BNC2: variants seen among roughly 807,000 people sequenced by gnomAD.
The protein encoded by BNC2 is basonuclin zinc finger protein 2.
In BNC2, 20 loss-of-function variants were observed where a neutral mutation model predicts 76.3. The ratio of observed to expected loss-of-function variants is 0.26; its 90% CI spans 0.18 to 0.38. The LOEUF (loss-of-function observed/expected upper bound fraction) is 0.38, where lower values mean the gene tolerates loss of function less well. BNC2 is among the 10% of genes least tolerant of loss of function. The probability of loss-of-function intolerance (pLI) is 1.00; values close to 1 mark genes in which losing one functional copy is unlikely to be tolerated. For synonymous variants in BNC2, 582 were observed against 514.8 expected, an observed-to-expected ratio of 1.13 and a Z score of -1.77; for missense variants, 1,382 against 1,399.8, an observed-to-expected ratio of 0.99 and a Z score of 0.20.
chr9:16,535,370 C>T (rs1454697367), intron 5 of BNC2, among the ~76,000 whole-genome samples: 1 of 152,168 alleles, frequency 6.6e-6, no homozygotes, highest in Non-Finnish European at 1.5e-5. Context: ...TAGGAAGTTG[C>T]ATGAATGTCC....
At position 16,699,247 on chromosome 9, in the gene BNC2, A is replaced by G. The variant is rs917647507; in HGVS notation, c.330+28550T>C. The G allele has an allele frequency of 5.7e-5, 27 of 469,664 alleles. 1 individual carries two copies. In the East Asian group the frequency reaches 8.3e-4, roughly 15 times the overall value. The allele number at this position is 469,664 out of a possible 1,614,324, so 29.1% of individuals were successfully genotyped here. On this transcript the variant is annotated intron_variant, in intron 3 of 6. Transcript: ENST00000380672. The stretch of plus-strand genomic sequence containing the variant: ...GTGGCAACCTAAATAATGCAACAAA[A>G]AAGTCCCTTATAGAAGCATGCATGG...
At chr9:16,636,400 T>G (rs1821327536) in intron 3 of BNC2, among the ~76,000 whole-genome samples, 1 of 152,052 alleles carries the variant, frequency 6.6e-6, no homozygotes, top group Non-Finnish European at 1.5e-5. Context: ...ACTCCTGGAC[T>G]CAAGCGATCC....
intron 1 of BNC2, among the ~76,000 whole-genome samples, chr9:16,836,380 C>T (rs1818706737): frequency 6.6e-6 from 1 of 152,050 alleles, no homozygotes; most frequent in Non-Finnish European, 1.5e-5. Flanking sequence ...AGTAGACCAT[C>T]AGAAACATAT....
intron 1 of BNC2, among the ~76,000 whole-genome samples, chr9:16,821,957 G>C (rs898055835): frequency 2.0e-5 from 3 of 152,008 alleles, no homozygotes; most frequent in African/African-American, 7.2e-5. Context: ...GCCAGGTGCG[G>C]TGGCGGGCGC....
chr9:16,634,112 C>T (rs1454107812), intron 3 of BNC2, among the ~76,000 whole-genome samples: 1 of 152,146 alleles, frequency 6.6e-6, no homozygotes, highest in Admixed American at 6.5e-5. Flanking sequence ...TCTACTCATC[C>T]CGTGTTCTGA....
At chr9:16,473,470 A>G (rs1288806351) in intron 5 of BNC2, 3 of 152,228 alleles carry the variant, frequency 2.0e-5, no homozygotes, top group Non-Finnish European at 2.9e-5. Context: ...ATATAAAAAT[A>G]AAAGTGTTGA....
At chr9:16,781,572 A>T (rs956511336) in intron 1 of BNC2, among the ~76,000 whole-genome samples, 1 of 152,216 alleles carries the variant, frequency 6.6e-6, no homozygotes, top group African/African-American at 2.4e-5. Flanking sequence ...CGAACTCCTA[A>T]GCTCAGGCAA....
intron 5 of BNC2, among the ~76,000 whole-genome samples, chr9:16,532,713 T>C (rs748703874): frequency 5.9e-5 from 9 of 152,250 alleles, no homozygotes; most frequent in Non-Finnish European, 1.3e-4. Flanking sequence ...CTATTATCTA[T>C]GTTCTTATAA....
intron 3 of BNC2, among the ~76,000 whole-genome samples, chr9:16,631,114 G>A (rs1335283457): frequency 6.6e-6 from 1 of 152,100 alleles, no homozygotes; most frequent in Admixed American, 6.5e-5. Context: ...GTACGTGTGT[G>A]TTCTCTATAA....
chr9:16,412,720 G>GGGGAGA lies in BNC2; in HGVS notation c.*6268_*6269insTCTCCC, dbSNP rs1302842819. 10 of 119,866 alleles carry GGGGAGA rather than the reference G, an allele frequency of 8.3e-5. No individual in the cohort carries two copies. The highest frequency in any genetic ancestry group is 1.5e-4 in the Non-Finnish European group (8 of 54,622). 7.4% of individuals were successfully genotyped at this position (119,866 alleles called of 1,614,324 possible). ...AATAAGAGGGAAGGAGAGAGAGAGG[G>GGGGAGA]GAGAGAGAGAGAGAGAGAGAGAGAG... On this transcript the variant is annotated 3_prime_UTR_variant, in exon 7 of 7. Transcript: ENST00000380672.
chr9:16,577,832 G>C (rs1819527035), intron 4 of BNC2, among the ~76,000 whole-genome samples: 2 of 152,066 alleles, frequency 1.3e-5, no homozygotes, highest in Non-Finnish European at 1.5e-5. Flanking sequence ...CAGATCTCTT[G>C]AAAGTGAATG....
intron 3 of BNC2, among the ~76,000 whole-genome samples, chr9:16,654,143 G>A (rs1821864977): frequency 6.6e-6 from 1 of 152,184 alleles, no homozygotes; most frequent in African/African-American, 2.4e-5. Flanking sequence ...CATTCAGAGA[G>A]AGGGACAAAA....
chr9:16,782,102 T>G (rs367746166), intron 1 of BNC2, among the ~76,000 whole-genome samples: 2 of 151,912 alleles, frequency 1.3e-5, no homozygotes, highest in East Asian at 3.9e-4. Flanking sequence ...CTGGCCAACA[T>G]GAGGAAACCC....
intron 1 of BNC2, among the ~76,000 whole-genome samples, chr9:16,817,507 T>A (rs1254255678): frequency 1.3e-5 from 2 of 152,168 alleles, no homozygotes; most frequent in Non-Finnish European, 2.9e-5. Flanking sequence ...CTGTTTAAAC[T>A]GAGTTCCCAT....
chr9:16,518,575 TA>T (rs1182467987), intron 5 of BNC2, among the ~76,000 whole-genome samples: 2 of 143,356 alleles, frequency 1.4e-5, no homozygotes, highest in African/African-American at 2.8e-5. Flanking sequence ...CATATATATA[TA>T]TATTTTTTGT....
At chr9:16,790,050 A>G (rs1817459138) in intron 1 of BNC2, among the ~76,000 whole-genome samples, 1 of 152,186 alleles carries the variant, frequency 6.6e-6, no homozygotes, top group Non-Finnish European at 1.5e-5. Context: ...CCTAGGCTGG[A>G]GTGCAGTGGC....
chr9:16,680,110 T>C (rs1422478338), intron 3 of BNC2, among the ~76,000 whole-genome samples: 1 of 152,226 alleles, frequency 6.6e-6, no homozygotes, highest in Non-Finnish European at 1.5e-5. Context: ...TTCTATCCTA[T>C]TCAGTGAAAA....
At chr9:16,655,317 A>T (rs577483039) in intron 3 of BNC2, among the ~76,000 whole-genome samples, 1 of 152,272 alleles carries the variant, frequency 6.6e-6, no homozygotes, top group African/African-American at 2.4e-5. Flanking sequence ...ATATGGGGGG[A>T]CAGTGCTTAT....
intron 3 of BNC2, among the ~76,000 whole-genome samples, chr9:16,612,719 C>A (rs1658601126): frequency 6.6e-6 from 1 of 152,124 alleles, no homozygotes; most frequent in Non-Finnish European, 1.5e-5. Context: ...ATCAATGTGA[C>A]AAGACAGGCA....
Sources: allele counts gnomAD v4.1 joint callset (sites outside exome capture counted in the v4.1 genomes callset), GRCh38; gene constraint gnomAD v4.1.1; transcripts MANE v1.5; gene names NCBI Gene and HGNC (gene_info 2026-07-23, HGNC 2026-07-21).